IPO11: variants seen among roughly 807,000 people sequenced by gnomAD.
The protein encoded by IPO11 is importin 11.
A neutral mutation model predicts 143.2 loss-of-function variants in IPO11; 66 were observed. That is an observed-to-expected ratio of 0.46 (90% CI 0.38 to 0.57). The LOEUF (loss-of-function observed/expected upper bound fraction) is 0.57, where lower values mean the gene tolerates loss of function less well. Among genes scored for constraint, IPO11 ranks in the 20% least tolerant of loss-of-function variants. IPO11 has a pLI of 0.00. For missense variants in IPO11, 1,026 were observed against 1,141.0 expected (o/e 0.90, Z 1.45); for synonymous variants, 385 against 377.8 (o/e 1.02, Z -0.22).
At chr5:62,515,615 T>C in intron 20 of IPO11, 114 bp downstream of exon 20, 1 of 597,890 alleles carries the variant, frequency 1.7e-6, no homozygotes. Context: ...AAACTTCACA[T>C]ATCTTTTATT....
At chr5:62,615,846 T>C (rs928932854) in intron 29 of IPO11, among the ~76,000 whole-genome samples, 5 of 152,190 alleles carry the variant, frequency 3.3e-5, no homozygotes, top group African/African-American at 1.2e-4. Flanking sequence ...TGGGCCCCTT[T>C]TGATTGGTTA....
intron 8 of IPO11, 59 bp from the exon 9 acceptor site, chr5:62,476,624 T>C: frequency 6.9e-7 from 1 of 1,449,294 alleles, no homozygotes; most frequent in Non-Finnish European, 9.2e-7. Flanking sequence ...GTAAAAATTT[T>C]GATGTTGTCT....
intron 16 of IPO11, among the ~76,000 whole-genome samples, chr5:62,496,404 C>A (rs1263283031): frequency 1.3e-5 from 2 of 152,082 alleles, no homozygotes; most frequent in African/African-American, 4.8e-5. Context: ...CAGCCTTTGC[C>A]CTTTATATCT....
At chr5:62,588,367 G>C (rs1480407494) in intron 27 of IPO11, among the ~76,000 whole-genome samples, 1 of 151,926 alleles carries the variant, frequency 6.6e-6, no homozygotes, top group Non-Finnish European at 1.5e-5. Flanking sequence ...GAGTAGCTGG[G>C]ACTACAGGCG....
chr5:62,615,601 A>C (rs1188296323), intron 29 of IPO11, among the ~76,000 whole-genome samples: 1 of 152,210 alleles, frequency 6.6e-6, no homozygotes, highest in Non-Finnish European at 1.5e-5. Context: ...AAATTTCAAC[A>C]AAGTGAGTTT....
chr5:62,521,857 T>A (rs1311664356), intron 20 of IPO11, among the ~76,000 whole-genome samples: 1 of 152,144 alleles, frequency 6.6e-6, no homozygotes, highest in Non-Finnish European at 1.5e-5. Context: ...GGTTCTTTTG[T>A]GTTTTCCTGA....
At chr5:62,516,200 G>A (rs1285343275) in intron 20 of IPO11, among the ~76,000 whole-genome samples, 1 of 152,182 alleles carries the variant, frequency 6.6e-6, no homozygotes, top group Admixed American at 6.5e-5. Flanking sequence ...CTGCTCTAAA[G>A]CTTTCTAAAA....
Position 62,483,254 on chromosome 5 carries a change from G to A in IPO11, c.982G>A (p.Val328Ile). 1 of 1,603,980 alleles carries A rather than the reference G, an allele frequency of 6.2e-7. No homozygotes were observed. The highest frequency in any genetic ancestry group is 2.2e-5 in the East Asian group (1 of 44,508). ...ATGTATGAATCTTATTAAGATGATT[G>A]TCAAAAATTATGCTTATAAGCCATC... The part of the protein sequence containing the change: ...VQCMNLIKMI[V>I]KNYAYKPSKN... The change falls in exon 10 of 30, where the codon GTC (valine) becomes ATC (isoleucine). Residue 328 changes from valine (V) to isoleucine (I), a missense_variant. Transcript: ENST00000325324.
At position 62,483,182 on chromosome 5, in the gene IPO11, T is replaced by C. The variant is rs756530541; in HGVS notation, c.910T>C (p.Phe304Leu). The C allele has an allele frequency of 4.4e-6, 7 of 1,608,572 alleles. No homozygotes were observed. The East Asian group carries it at 1.1e-4, about 26-fold the overall frequency. ...RSLEFSVSYV[F>L]TEVGEGVTFE... ...ACTGGAATTTTCTGTAAGCTATGTTTTTACAGAAGTTGGTGAAGGCGTTAC... is the reference window on the plus strand; with the variant it reads ...ACTGGAATTTTCTGTAAGCTATGTTCTTACAGAAGTTGGTGAAGGCGTTAC... Residue 304 changes from phenylalanine to leucine, a missense_variant, in exon 10 of 30, where the codon TTT (phenylalanine) becomes CTT (leucine). Physicochemically the swap from Phe to Leu is conservative, Grantham distance 22. Around this residue, in one of 5 missense-constraint regions of IPO11, gnomAD observed 429 missense variants for 456.3 expected, o/e 0.94. Transcript: ENST00000325324.
chr5:62,496,770 A>T (rs1164624905), intron 16 of IPO11, among the ~76,000 whole-genome samples: 1 of 152,226 alleles, frequency 6.6e-6, no homozygotes, highest in African/African-American at 2.4e-5. Flanking sequence ...GTGTATACAT[A>T]TGTGTCACAC....
chr5:62,456,160 C>T (rs772634571), intron 5 of IPO11, among the ~76,000 whole-genome samples: 7 of 152,116 alleles, frequency 4.6e-5, no homozygotes, highest in South Asian at 2.1e-4. Flanking sequence ...TACAGGTGCA[C>T]GTCACCATGC....
At chr5:62,598,478 C>CTT in intron 28 of IPO11, among the ~76,000 whole-genome samples, 1 of 4,738 alleles carries the variant, frequency 2.1e-4, no homozygotes, top group South Asian at 9.8e-3. Flanking sequence ...CTCTCTCTCT[C>CTT]TCTCTCTCTC....
At chr5:62,604,431 G>A (rs980863743) in intron 29 of IPO11, among the ~76,000 whole-genome samples, 4 of 152,118 alleles carry the variant, frequency 2.6e-5, no homozygotes, top group Non-Finnish European at 5.9e-5. Context: ...AGCTGGTCTT[G>A]AACTCCTGAC....
At position 62,417,069 on chromosome 5, in the gene IPO11, A is replaced by G. The variant is rs565699571; in HGVS notation, c.-7+4140A>G. Among the ~76,000 whole-genome samples, 53 of 150,018 alleles carry G rather than the reference A, an allele frequency of 3.5e-4. 2 individuals carry two copies. In the South Asian group the frequency reaches 9.5e-3, roughly 27 times the overall value. On this transcript the variant is annotated intron_variant, in intron 1 of 29. Coordinates refer to ENST00000325324, the MANE Select transcript of IPO11 (RefSeq NM_016338.5). ...GTCTTATCTGAAATATACGCTCCTT[A>G]CCTTAGATTCTTAGATTCCTCTTCA... is the stretch of plus-strand genomic sequence containing the variant.
chr5:62,523,925 T>A (rs914855682), intron 20 of IPO11, among the ~76,000 whole-genome samples: 3 of 151,858 alleles, frequency 2.0e-5, no homozygotes, highest in African/African-American at 7.3e-5. Flanking sequence ...ACTTTTCTTC[T>A]GTGGAAAAAA....
intron 29 of IPO11, among the ~76,000 whole-genome samples, chr5:62,621,545 G>A (rs1746376030): frequency 6.6e-6 from 1 of 152,138 alleles, no homozygotes; most frequent in Non-Finnish European, 1.5e-5. Context: ...TCGGCCTTCA[G>A]GCTGTTTTAG....
chr5:62,573,652 A>T (rs1047120274), intron 27 of IPO11, among the ~76,000 whole-genome samples: 1 of 152,232 alleles, frequency 6.6e-6, no homozygotes, highest in African/African-American at 2.4e-5. Flanking sequence ...CCAAGCTATA[A>T]GATGTTTCAA....
At chr5:62,606,882 A>G (rs35202928) in intron 29 of IPO11, among the ~76,000 whole-genome samples, 71,273 of 152,132 alleles carry the variant, frequency 0.47, 16,923 homozygotes, top group South Asian at 0.53. Flanking sequence ...AGCATATGTA[A>G]GTAAACTATA....
rs369613247 is a variant in IPO11, at chr5:62,443,077, C to T, written c.233C>T (p.Ala78Val). 8 of 1,598,338 alleles carry T rather than the reference C, an allele frequency of 5.0e-6. No individual in the cohort carries two copies. The highest frequency in any genetic ancestry group is 1.3e-5 in the African/African-American group (1 of 74,392). The change falls in exon 3 of 30, where the codon GCA becomes GTA. Residue 78 changes from alanine to valine, a missense_variant. Ala to Val is a moderately conservative substitution (Grantham distance 64). Transcript: ENST00000325324. ...HGIDRYWRRV[A>V]PHALSEEEKT... ...ATTGATCGCTACTGGAGACGTGTAGCACCTCAGTAAGTTCCATCACTTCCC... is the reference window on the plus strand; with the variant it reads ...ATTGATCGCTACTGGAGACGTGTAGTACCTCAGTAAGTTCCATCACTTCCC...
Sources: gnomAD v4.1 joint callset for allele counts (sites outside exome capture counted in the v4.1 genomes callset) on GRCh38, gnomAD v4.1.1 for gene constraint, gnomAD v4.1.1 regional missense constraint, MANE v1.5 for transcripts, NCBI Gene and HGNC (gene_info 2026-07-23, HGNC 2026-07-21) for gene names.